ELOVL6: variants seen among roughly 807,000 people sequenced by gnomAD.
ELOVL6 encodes very long chain fatty acid elongase 6.
ELOVL6 carries 8 observed loss-of-function variants against 31.7 expected under a neutral mutation model. That is an observed-to-expected ratio of 0.25 (90% confidence interval 0.15 to 0.45). ELOVL6 has a LOEUF of 0.45. Among genes scored for constraint, ELOVL6 ranks in the 20% least tolerant of loss-of-function variants. The pLI, the probability that ELOVL6 is intolerant of heterozygous loss-of-function variation, is 1.00. For missense variants in ELOVL6, 126 were observed against 326.4 expected (o/e 0.39, Z 4.73); for synonymous variants, 101 against 117.7 (o/e 0.86, Z 0.92).
chr4:110,120,834 T>G (rs1467848178), intron 1 of ELOVL6, among the ~76,000 whole-genome samples: 1 of 142,610 alleles, frequency 7.0e-6, no homozygotes, highest in Non-Finnish European at 1.5e-5. Flanking sequence ...AGAGTCTCGC[T>G]CTATCCCCCT....
At chr4:110,171,679 CTTTTTTTTT>C (rs70956406) in intron 1 of ELOVL6, among the ~76,000 whole-genome samples, 357 of 66,198 alleles carry the variant, frequency 5.4e-3, no homozygotes, top group African/African-American at 0.018. Flanking sequence ...ATAATATCCT[CTTTTTTTTT>C]TTTTTTTTTT....
chr4:110,087,162 G>A (rs1756290249), intron 2 of ELOVL6, among the ~76,000 whole-genome samples: 1 of 151,984 alleles, frequency 6.6e-6, no homozygotes, highest in South Asian at 2.1e-4. Flanking sequence ...ATATTGAGAG[G>A]TTCTTCCTGT....
intron 1 of ELOVL6, among the ~76,000 whole-genome samples, chr4:110,188,965 T>C (rs1375806709): frequency 1.3e-5 from 2 of 151,934 alleles, no homozygotes; most frequent in Non-Finnish European, 2.9e-5. Context: ...GTTAGTATCA[T>C]TGCTCCTGAA....
rs1215771898 is a variant in ELOVL6, at chr4:110,047,658, G to A, written c.*3680C>T. On this transcript the variant is annotated 3_prime_UTR_variant, in exon 4 of 4. Coordinates refer to ENST00000302274, the MANE Select transcript of ELOVL6 (RefSeq NM_024090.3). ...TAATCCCAGCACTTTGGGAGACCAA[G>A]GCGGGTGGATCCCCTGAGGTCAGGA... The A allele has an allele frequency of 3.3e-5, 5 of 152,256 alleles. No homozygotes were observed. Among genetic ancestry groups the A allele is most frequent in the Admixed American group, 3.3e-4 (5 of 15,278 alleles). 9.4% of individuals were successfully genotyped at this position (152,256 alleles called of 1,614,324 possible).
chr4:110,064,990 C>T (rs1213626173), intron 2 of ELOVL6, among the ~76,000 whole-genome samples: 4 of 152,122 alleles, frequency 2.6e-5, no homozygotes, highest in Admixed American at 1.3e-4. Context: ...TAAATCAACA[C>T]GTACTTAACA....
chr4:110,157,325 T>C (rs1758476611), intron 1 of ELOVL6, among the ~76,000 whole-genome samples: 1 of 152,146 alleles, frequency 6.6e-6, no homozygotes, highest in Non-Finnish European at 1.5e-5. Context: ...TGCCAAATAA[T>C]AGTACACAGT....
intron 3 of ELOVL6, among the ~76,000 whole-genome samples, chr4:110,056,123 G>GGGGC (rs1553953502): frequency 3.3e-5 from 2 of 60,464 alleles, no homozygotes; most frequent in Non-Finnish European, 6.4e-5. Context: ...TGTGGGAGCT[G>GGGGC]GGGGGGGGGA....
chr4:110,188,045 A>C (rs1257320558), intron 1 of ELOVL6, among the ~76,000 whole-genome samples: 1 of 152,214 alleles, frequency 6.6e-6, no homozygotes, highest in African/African-American at 2.4e-5. Flanking sequence ...GACCTTCAAG[A>C]ATAGGGATAT....
chr4:110,108,188 T>C (rs538430596), intron 1 of ELOVL6, among the ~76,000 whole-genome samples: 209 of 152,316 alleles, frequency 1.4e-3, no homozygotes, highest in African/African-American at 4.9e-3. Context: ...AGAACAGAAA[T>C]TAATTATACA....
intron 2 of ELOVL6, among the ~76,000 whole-genome samples, chr4:110,086,607 T>C (rs1484667500): frequency 1.3e-5 from 2 of 152,210 alleles, no homozygotes; most frequent in Non-Finnish European, 2.9e-5. Context: ...ACTCCTGTGC[T>C]GTTATTTTAA....
intron 3 of ELOVL6, among the ~76,000 whole-genome samples, chr4:110,052,460 T>A (rs1005742267): frequency 3.3e-5 from 5 of 152,244 alleles, no homozygotes; most frequent in African/African-American, 1.2e-4. Flanking sequence ...GAATATTTTA[T>A]ACCAGTGAAT....
intron 1 of ELOVL6, 115 bp downstream of exon 1, chr4:110,198,131 TG>T: frequency 1.8e-6 from 1 of 541,022 alleles, no homozygotes; most frequent in Non-Finnish European, 3.5e-6. Flanking sequence ...AGCGATCAGC[TG>T]GCTGCCCGCG....
intron 1 of ELOVL6, among the ~76,000 whole-genome samples, chr4:110,191,275 GGAT>G (rs1759613828): frequency 6.6e-6 from 1 of 152,058 alleles, no homozygotes; most frequent in African/African-American, 2.4e-5. Context: ...ATCAGAATCT[GGAT>G]AAAGGAATGA....
At chr4:110,098,466 G>C (rs1208144123) in intron 2 of ELOVL6, among the ~76,000 whole-genome samples, 5 of 151,842 alleles carry the variant, frequency 3.3e-5, no homozygotes, top group Non-Finnish European at 7.4e-5. Flanking sequence ...TCCCTGGTTT[G>C]ACCATTTTGT....
chr4:110,190,030 C>G (rs1759568074), intron 1 of ELOVL6, among the ~76,000 whole-genome samples: 2 of 151,502 alleles, frequency 1.3e-5, no homozygotes, highest in South Asian at 2.1e-4. Flanking sequence ...TCTCCCTCCC[C>G]AAAATATATT....
In ELOVL6 at chr4:110,198,270, G is replaced by T. The variant is rs1371888183; in HGVS notation, c.66C>A (p.Ala22=). 1 of 1,608,504 alleles carries T rather than the reference G, an allele frequency of 6.2e-7. No homozygotes were observed. Among genetic ancestry groups the T allele is most frequent in the Admixed American group, 1.7e-5 (1 of 60,012 alleles). The change falls in exon 1 of 4, where the codon GCC becomes GCA. Residue 22 remains alanine (A), a synonymous_variant. Transcript: ENST00000302274. ...ACCAGTTTTCCTGCATCCATTGGAT[G>T]GCTTCATTCTCGTTGAACTGCTTTT... is the stretch of plus-strand genomic sequence containing the variant. ...EFEKQFNENE[A]IQWMQENWKK... is the part of the protein sequence containing the mutation.
Position 110,090,600 on chromosome 4 carries a change from C to CTTTTTTGTTTTTTTTTTTT in ELOVL6, c.221+14896_221+14897insAAAAAAAAAAAACAAAAAA, listed in dbSNP as rs1553956743. Among the ~76,000 whole-genome samples, 72 of 103,710 alleles carry CTTTTTTGTTTTTTTTTTTT rather than the reference C, an allele frequency of 6.9e-4. 2 individuals carry two copies. Among genetic ancestry groups the CTTTTTTGTTTTTTTTTTTT allele is most frequent in the African/African-American group, 1.6e-3 (37 of 23,394 alleles). 68.0% of individuals were successfully genotyped at this position (103,710 alleles called of 152,430 possible). On this transcript the variant is annotated intron_variant, in intron 2 of 3. Transcript: ENST00000302274. The stretch of plus-strand genomic sequence containing the variant: ...GGAACTTACAGGAAAGTTTGACTTT[C>CTTTTTTGTTTTTTTTTTTT]TTTTTTTTTTTTTTTTTTTTCATGA...
intron 1 of ELOVL6, 133 bp downstream of exon 1, chr4:110,198,114 A>C: frequency 6.0e-6 from 3 of 500,650 alleles, no homozygotes; most frequent in African/African-American, 2.1e-5. Flanking sequence ...GGGAGACCCG[A>C]GAACTCAGCG....
At chr4:110,105,411 G>T in intron 2 of ELOVL6, 86 bp downstream of exon 2, 3 of 1,362,990 alleles carry the variant, frequency 2.2e-6, no homozygotes, top group South Asian at 1.4e-5. Context: ...AAAAATATCA[G>T]ATTTAAAATC....
Sources: gnomAD v4.1 joint callset for allele counts (sites outside exome capture counted in the v4.1 genomes callset) on GRCh38, gnomAD v4.1.1 for gene constraint, MANE v1.5 for transcripts, NCBI Gene and HGNC (gene_info 2026-07-23, HGNC 2026-07-21) for gene names.